TLCD3B: variants seen among roughly 807,000 people sequenced by gnomAD.
TLCD3B encodes the protein TLC domain containing 3B.
Under a neutral mutation model 23.0 loss-of-function variants are expected in TLCD3B, and 9 were observed. That is an observed-to-expected ratio of 0.39 (90% CI 0.24 to 0.68). The LOEUF (loss-of-function observed/expected upper bound fraction) is 0.68, where lower values mean the gene tolerates loss of function less well. TLCD3B is among the 30% of genes least tolerant of loss of function. The pLI, the probability that TLCD3B is intolerant of heterozygous loss-of-function variation, is 0.44. For missense variants in TLCD3B, 307 were observed against 371.8 expected (o/e 0.83, Z 1.43); for synonymous variants, 161 against 161.0 (o/e 1.00, Z 0.00).
chr16:30,036,819 T>G lies in TLCD3B; in HGVS notation c.-66-605A>C, dbSNP rs545278864. On this transcript the variant is annotated intron_variant, in intron 3 of 6. Coordinates refer to the TLCD3B transcript ENST00000561666. ...CAGGTGCAGGGCCGGGCGTGGTGAC[T>G]CACGCCTGTAATCCCAGCACTTTGG... Among the ~76,000 whole-genome samples the G allele has an allele frequency of 2.0e-5, 3 of 152,288 alleles. No homozygotes were observed. The East Asian group carries it at 5.8e-4, about 29-fold the overall frequency.
chr16:30,050,668 G>A (rs529085666), intron 1 of TLCD3B, among the ~76,000 whole-genome samples: 1 of 152,344 alleles, frequency 6.6e-6, no homozygotes, highest in African/African-American at 2.4e-5. Flanking sequence ...CCCTCTGAGA[G>A]GGCCAGGGGT....
At chr16:30,044,212 G>A (rs2071620739) in intron 2 of TLCD3B, among the ~76,000 whole-genome samples, 1 of 151,988 alleles carries the variant, frequency 6.6e-6, no homozygotes, top group Non-Finnish European at 1.5e-5. Flanking sequence ...GCCCAGGCTG[G>A]TCTCAAACTC....
rs1414502193 is a variant in TLCD3B, at chr16:30,029,518, G to A, written c.126-3C>T. The A allele has an allele frequency of 1.9e-6, 3 of 1,612,540 alleles. No individual in the cohort carries two copies. Among genetic ancestry groups the A allele is most frequent in the East Asian group, 2.2e-5 (1 of 44,848 alleles). On this transcript the variant is annotated splice_region_variant and splice_polypyrimidine_tract_variant and intron_variant, in intron 1 of 4. Coordinates refer to ENST00000380495, the MANE Select transcript of TLCD3B (RefSeq NM_031478.6). This position sits in a 1 kb window ranked among gnomAD's most constrained non-coding sequence, Gnocchi z 4.6. ...TGGCCTGGACAGAGGACACCAGCCTGGGGGAGAGAGGGAGGCGTGCTAGAA... is the reference window on the plus strand; with the variant it reads ...TGGCCTGGACAGAGGACACCAGCCTAGGGGAGAGAGGGAGGCGTGCTAGAA...
rs374049019 is a variant in TLCD3B at position 30,026,820 on chromosome 16, G to A, written c.233C>T (p.Thr78Met). 6.2e-6 allele frequency: 10 copies of A among 1,613,994 alleles called. No individual in the cohort carries two copies. Among genetic ancestry groups the A allele is most frequent in the East Asian group, 2.2e-5 (1 of 44,896 alleles). ...GATGAAGTAGGGCACAGCAAATTGC[G>A]TGTAGGCAGAGGACAGCCAGTGTCT... ...DDQHWLSSAY[T>M]QFAVPYFIYD... The change falls in exon 3 of 5, where the codon ACG (threonine) becomes ATG (methionine). Residue 78 changes from threonine (T) to methionine (M), a missense_variant. Thr to Met is a moderately conservative substitution (Grantham distance 81). Coordinates refer to ENST00000380495, the MANE Select transcript of TLCD3B (RefSeq NM_031478.6).
At chr16:30,034,774 A>T (rs983064755), upstream of TLCD3B, among the ~76,000 whole-genome samples, 1 of 152,118 alleles carries the variant, frequency 6.6e-6, no homozygotes, top group Non-Finnish European at 1.5e-5. Flanking sequence ...ACGCTGATTC[A>T]TATGATCCTC....
At chr16:30,042,075 A>G (rs1359351206) in intron 2 of TLCD3B, among the ~76,000 whole-genome samples, 1 of 152,150 alleles carries the variant, frequency 6.6e-6, no homozygotes, top group Non-Finnish European at 1.5e-5. Flanking sequence ...ACGAAAGTTT[A>G]ATAACACAGA....
chr16:30,026,554 C>T, intron 3 of TLCD3B, 55 bp downstream of exon 3: 4 of 1,497,584 alleles, frequency 2.7e-6, no homozygotes, highest in East Asian at 2.3e-5. Context: ...CCAGCACCAG[C>T]AGGACCAAGG....
chr16:30,048,955 G>C (rs772678840), intron 1 of TLCD3B, among the ~76,000 whole-genome samples: 1 of 152,102 alleles, frequency 6.6e-6, no homozygotes, highest in Non-Finnish European at 1.5e-5. Flanking sequence ...ATTTTTAGTA[G>C]AGATGGGGTT....
upstream of TLCD3B, among the ~76,000 whole-genome samples, chr16:30,034,901 CTT>C (rs1455756347): frequency 7.1e-6 from 1 of 141,460 alleles, no homozygotes; most frequent in East Asian, 2.0e-4. Flanking sequence ...CTGTTGGTGT[CTT>C]TTTTTCTTTT....
Position 30,025,647 on chromosome 16 carries a change from C to A in TLCD3B, c.540+79G>T. ...GGGGGGATGACGAAGGGGCTAGAGC[C>A]CTTGGCAGCAACCTTGAAGGTCCCT... On this transcript the variant is annotated intron_variant, in intron 4 of 4. Coordinates refer to ENST00000380495, the MANE Select transcript of TLCD3B (RefSeq NM_031478.6). The surrounding 1 kb of genome is among the most constrained non-coding windows in gnomAD (Gnocchi z 4.1). The A allele has an allele frequency of 6.6e-7, 1 of 1,515,144 alleles. No homozygotes were observed. The highest frequency in any genetic ancestry group is 1.1e-5 in the South Asian group (1 of 89,160). The allele number at this position is 1,515,144 out of a possible 1,614,324, so 93.9% of individuals were successfully genotyped here. A position where few individuals can be genotyped will look rare whatever the true frequency, so the allele number is the denominator to read the frequency against.
At chr16:30,052,698 A>AAAATAAATAAATAAAT (rs527885647) in intron 1 of TLCD3B, 1 of 148,374 alleles carries the variant, frequency 6.7e-6, no homozygotes, top group South Asian at 2.1e-4. Context: ...CTCCGTCTCA[A>AAAATAAATAAATAAAT]AAATAAATAA....
At position 30,048,531 on chromosome 16, in the gene TLCD3B, A is replaced by G. The variant is rs1399418376; in HGVS notation, c.-293-2144T>C. On this transcript the variant is annotated intron_variant, in intron 1 of 6. Transcript: ENST00000561666. ...CCCACTTTCCACATGAGTACAACTG[A>G]GGCTCAGTGAGGTCAATTGACTTGT... Among the ~76,000 whole-genome samples the G allele has an allele frequency of 3.3e-5, 5 of 152,274 alleles. No homozygotes were observed. The East Asian group carries it at 9.7e-4, about 29-fold the overall frequency.
intron 1 of TLCD3B, among the ~76,000 whole-genome samples, chr16:30,052,428 G>T (rs2071776412): frequency 6.6e-6 from 1 of 151,870 alleles, no homozygotes; most frequent in Non-Finnish European, 1.5e-5. Flanking sequence ...CCGGCGCGGT[G>T]GCTCACGCCT....
chr16:30,044,333 G>T (rs1364660899), intron 2 of TLCD3B, among the ~76,000 whole-genome samples: 1 of 147,466 alleles, frequency 6.8e-6, no homozygotes, highest in African/African-American at 2.5e-5. Context: ...TTGAGATGAA[G>T]TTTCGCTCTT....
upstream of TLCD3B, among the ~76,000 whole-genome samples, chr16:30,031,414 G>C (rs2071357243): frequency 6.6e-6 from 1 of 152,118 alleles, no homozygotes; most frequent in African/African-American, 2.4e-5. Flanking sequence ...GGGAGGAAGG[G>C]GGCCCAGGGC....
chr16:30,030,058 A>G, intron 1 of TLCD3B: 1 of 1,348,870 alleles, frequency 7.4e-7, no homozygotes, highest in Non-Finnish European at 9.8e-7. Flanking sequence ...CCAAACACTC[A>G]CCCTGAATGA....
At position 30,030,840 on chromosome 16, in the gene TLCD3B, C is replaced by CAGG. The variant is rs1390811457; in HGVS notation, c.-316_-314dup. Reference sequence around the variant, plus strand: ...GTGAGGGACAGAGAGGAAGAGGGGACAGGAGGAGGAGGATGCGGATGGGGG... The same window carrying CAGG: ...GTGAGGGACAGAGAGGAAGAGGGGACAGGAGGAGGAGGAGGATGCGGATGGGGG... On this transcript the variant is annotated 5_prime_UTR_variant, in exon 1 of 5. Coordinates refer to ENST00000380495, the MANE Select transcript of TLCD3B (RefSeq NM_031478.6). 5 of 1,023,594 alleles carry CAGG rather than the reference C, an allele frequency of 4.9e-6. No homozygotes were observed. The highest frequency in any genetic ancestry group is 1.9e-5 in the African/African-American group (1 of 52,560). The allele number at this position is 1,023,594 out of a possible 1,614,324, so 63.4% of individuals were successfully genotyped here. A position where few individuals can be genotyped will look rare whatever the true frequency, so the allele number is the denominator to read the frequency against.
intron 3 of TLCD3B, among the ~76,000 whole-genome samples, chr16:30,038,065 C>T (rs2071507664): frequency 6.6e-6 from 1 of 152,154 alleles, no homozygotes; most frequent in South Asian, 2.1e-4. Context: ...CCAGTGTATA[C>T]ATATGTAAAC....
chr16:30,051,313 C>A (rs1419783455), intron 1 of TLCD3B, among the ~76,000 whole-genome samples: 2 of 151,888 alleles, frequency 1.3e-5, no homozygotes, highest in African/African-American at 4.8e-5. Flanking sequence ...GCGGGCAGAA[C>A]ACCTAAGGTC....
Sources: allele counts gnomAD v4.1 joint callset (sites outside exome capture counted in the v4.1 genomes callset), GRCh38; gene constraint gnomAD v4.1.1; non-coding constraint Gnocchi (gnomAD v3.1); transcripts MANE v1.5; gene names NCBI Gene and HGNC (gene_info 2026-07-23, HGNC 2026-07-21).